NTM: variants seen among roughly 807,000 people sequenced by gnomAD.
NTM encodes IgLON family member 2.
Under a neutral mutation model 42.1 loss-of-function variants are expected in NTM, and 13 were observed. The ratio of observed to expected loss-of-function variants is 0.31; its 90% CI spans 0.20 to 0.49. NTM has a LOEUF of 0.49. Ranked by LOEUF, NTM falls within the 20% of genes least tolerant of loss-of-function variation. NTM has a pLI of 0.99. For missense variants in NTM, 373 were observed against 452.8 expected (o/e 0.82, Z 1.60); for synonymous variants, 187 against 179.2 (o/e 1.04, Z -0.35).
chr11:132,321,223 G>T, intron 7 of NTM, among the ~76,000 whole-genome samples: 1 of 152,228 alleles, frequency 6.6e-6, no homozygotes, highest in Admixed American at 6.5e-5. Flanking sequence ...CAATCAAATT[G>T]CTCTGAGCTA....
chr11:132,114,611 T>C (rs531676271), intron 2 of NTM, among the ~76,000 whole-genome samples: 1 of 152,322 alleles, frequency 6.6e-6, no homozygotes, highest in East Asian at 1.9e-4. Context: ...CTCATGATCC[T>C]ATAAGGCAGA....
chr11:131,584,764 A>G (rs2058709820), intron 1 of NTM, among the ~76,000 whole-genome samples: 1 of 152,216 alleles, frequency 6.6e-6, no homozygotes, highest in African/African-American at 2.4e-5. Context: ...TTTGCCCTTC[A>G]GTGCCCACAG....
At chr11:131,662,328 T>C (rs1321184105) in intron 1 of NTM, 1 of 152,232 alleles carries the variant, frequency 6.6e-6, no homozygotes, top group Non-Finnish European at 1.5e-5. Context: ...CCCCGTCCTG[T>C]GGTCTTTCAT....
intron 1 of NTM, among the ~76,000 whole-genome samples, chr11:131,758,167 G>C (rs755496957): frequency 9.9e-5 from 15 of 152,176 alleles, no homozygotes; most frequent in Non-Finnish European, 1.8e-4. Context: ...CTCGTCGGTG[G>C]CCAGTAGTAA....
intron 1 of NTM, among the ~76,000 whole-genome samples, chr11:131,637,497 G>A (rs1193311285): frequency 6.6e-6 from 1 of 151,432 alleles, no homozygotes; most frequent in Non-Finnish European, 1.5e-5. Flanking sequence ...ATACTGCCTA[G>A]GTGTGCACTA....
At chr11:131,394,556 T>C (rs1482074287) in intron 1 of NTM, among the ~76,000 whole-genome samples, 1 of 152,168 alleles carries the variant, frequency 6.6e-6, no homozygotes, top group African/African-American at 2.4e-5. Flanking sequence ...CTCTCTGGAT[T>C]CTTATCTGAA....
intron 1 of NTM, among the ~76,000 whole-genome samples, chr11:131,885,851 G>A (rs865875351): frequency 6.6e-6 from 1 of 152,296 alleles, no homozygotes; most frequent in Middle Eastern, 3.4e-3. Context: ...GGCTGCACAT[G>A]GTGGCCACTG....
chr11:132,269,400 C>A (rs2093372852), intron 4 of NTM, among the ~76,000 whole-genome samples: 1 of 152,174 alleles, frequency 6.6e-6, no homozygotes, highest in Non-Finnish European at 1.5e-5. Context: ...GGCTAGACTG[C>A]ACCGTCTATC....
intron 1 of NTM, among the ~76,000 whole-genome samples, chr11:131,505,699 C>T (rs1372893442): frequency 3.3e-5 from 5 of 152,154 alleles, no homozygotes; most frequent in African/African-American, 1.2e-4. Flanking sequence ...TGCTCACACC[C>T]ACGGAAAGGA....
chr11:131,978,843 C>T (rs1218553953), intron 2 of NTM, among the ~76,000 whole-genome samples: 2 of 152,134 alleles, frequency 1.3e-5, no homozygotes, highest in East Asian at 1.9e-4. Context: ...TATGTTTAAC[C>T]TGGTTTTTCA....
chr11:131,952,427 A>G (rs952595416), intron 2 of NTM, among the ~76,000 whole-genome samples: 2 of 152,226 alleles, frequency 1.3e-5, no homozygotes, highest in Admixed American at 1.3e-4. Context: ...ACGTATGTAT[A>G]TATTTATATA....
At chr11:131,773,620 C>T (rs1316731264) in intron 1 of NTM, among the ~76,000 whole-genome samples, 2 of 152,148 alleles carry the variant, frequency 1.3e-5, no homozygotes, top group African/African-American at 4.8e-5. Flanking sequence ...ATTATGAATG[C>T]ACACAGCAAA....
chr11:131,657,468 G>A (rs370274651), intron 1 of NTM, among the ~76,000 whole-genome samples: 36 of 152,316 alleles, frequency 2.4e-4, no homozygotes, highest in Admixed American at 9.2e-4. Flanking sequence ...CCTCTTCTTC[G>A]AAGTTTTTGT....
At chr11:131,514,526 T>C (rs571262532) in intron 1 of NTM, among the ~76,000 whole-genome samples, 3 of 152,204 alleles carry the variant, frequency 2.0e-5, no homozygotes, top group Non-Finnish European at 4.4e-5. Flanking sequence ...TTTTCCTTAC[T>C]GTATTATGTG....
intron 2 of NTM, among the ~76,000 whole-genome samples, chr11:132,028,042 T>A (rs942951262): frequency 1.3e-5 from 2 of 152,038 alleles, no homozygotes; most frequent in Non-Finnish European, 2.9e-5. Context: ...TTTTTTTTTT[T>A]ATTTCTACCA....
chr11:131,829,046 T>C lies in NTM; in HGVS notation c.83-82518T>C, dbSNP rs1185051115. Reference sequence around the variant, plus strand: ...ACACAAGCACTCACACATACTTATATTGAAAGTTCAAGATCATATAACCTC... The same window carrying C: ...ACACAAGCACTCACACATACTTATACTGAAAGTTCAAGATCATATAACCTC... On this transcript the variant is annotated intron_variant, in intron 1 of 8. Transcript: ENST00000683400. 6.6e-5 allele frequency among the ~76,000 whole-genome samples: 10 copies of C among 151,756 alleles called. No homozygotes were observed. In the East Asian group the frequency reaches 1.7e-3, roughly 26 times the overall value.
chr11:131,781,497 T>C (rs2088123240), intron 1 of NTM, among the ~76,000 whole-genome samples: 2 of 152,160 alleles, frequency 1.3e-5, no homozygotes, highest in South Asian at 4.1e-4. Context: ...AACTTAAATA[T>C]GCTATATACT....
Position 131,373,014 on chromosome 11 carries a change from C to T in NTM, c.82+2126C>T, listed in dbSNP as rs543869837. Among the ~76,000 whole-genome samples, 4 of 152,230 alleles carry T rather than the reference C, an allele frequency of 2.6e-5. No homozygotes were observed. In the South Asian group the frequency reaches 8.3e-4, roughly 32 times the overall value. ...CGGAATTTCTCAAAAAGAATGATGGCCTTATTTGTGCTACCCTCACCCAGT... is the reference window on the plus strand; with the variant it reads ...CGGAATTTCTCAAAAAGAATGATGGTCTTATTTGTGCTACCCTCACCCAGT... On this transcript the variant is annotated intron_variant, in intron 1 of 8. Coordinates refer to ENST00000683400, the MANE Select transcript of NTM (RefSeq NM_001352005.2).
At chr11:131,890,100 G>T (rs1484295873) in intron 1 of NTM, among the ~76,000 whole-genome samples, 2 of 151,814 alleles carry the variant, frequency 1.3e-5, no homozygotes, top group Admixed American at 1.3e-4. Context: ...CTTTAAGATA[G>T]CAGAAATATG....
Sources: allele counts gnomAD v4.1 joint callset (sites outside exome capture counted in the v4.1 genomes callset), GRCh38; gene constraint gnomAD v4.1.1; transcripts MANE v1.5; gene names NCBI Gene and HGNC (gene_info 2026-07-23, HGNC 2026-07-21).